The following TTLL11 variants were observed in gnomAD, a reference collection of about 807,000 sequenced individuals.
TTLL11 encodes tubulin polyglutamylase TTLL11.
A neutral mutation model predicts 51.7 loss-of-function variants in TTLL11; 42 were observed. The observed-to-expected ratio is 0.81, with a 90% CI of 0.64 to 1.05. The LOEUF (loss-of-function observed/expected upper bound fraction) is 1.05. Among genes scored for constraint, TTLL11 ranks in the 50% least tolerant of loss-of-function variants. The pLI is 0.00. For synonymous variants in TTLL11, 381 were observed against 383.5 expected (o/e 0.99, Z 0.08); for missense variants, 799 against 940.4 (o/e 0.85, Z 1.97).
chr9:122,069,706 A>T (rs1019023146), intron 1 of TTLL11, among the ~76,000 whole-genome samples: 7 of 151,998 alleles, frequency 4.6e-5, no homozygotes, highest in Non-Finnish European at 8.8e-5. Context: ...ACAACAAAAG[A>T]AGGGCCAGAA....
At chr9:122,016,976 G>A (rs1227980358) in intron 3 of TTLL11, among the ~76,000 whole-genome samples, 5 of 152,254 alleles carry the variant, frequency 3.3e-5, no homozygotes, top group South Asian at 4.1e-4. Flanking sequence ...AATCCCACTC[G>A]CTTCCGCCTG....
chr9:121,826,308 A>G (rs149946791), intron 8 of TTLL11, among the ~76,000 whole-genome samples: 4,856 of 83,074 alleles, frequency 0.058, 391 homozygotes, highest in African/African-American at 0.16. Context: ...ATATATATAT[A>G]TGGGTTTATA....
chr9:121,857,579 C>T lies in TTLL11; in HGVS notation c.1840+2758G>A, dbSNP rs563354045. Reference sequence around the variant, plus strand: ...CTCAAAACTGCTGTTACTACTATTCCACCTGGTGATGACTATTCCACCTAG... The same window carrying T: ...CTCAAAACTGCTGTTACTACTATTCTACCTGGTGATGACTATTCCACCTAG... On this transcript the variant is annotated intron_variant, in intron 8 of 8. Coordinates refer to ENST00000321582, the MANE Select transcript of TTLL11 (RefSeq NM_001139442.2). Among the ~76,000 whole-genome samples, 24 of 152,298 alleles carry T rather than the reference C, an allele frequency of 1.6e-4. No individual in the cohort carries two copies. The South Asian group carries it at 4.8e-3, about 30-fold the overall frequency.
At chr9:121,922,353 A>G (rs1840575592) in intron 6 of TTLL11, among the ~76,000 whole-genome samples, 1 of 152,132 alleles carries the variant, frequency 6.6e-6, no homozygotes, top group African/African-American at 2.4e-5. Context: ...CCAAGTCATC[A>G]CCTCAGGTGT....
At chr9:122,022,166 G>T (rs981387572) in intron 3 of TTLL11, among the ~76,000 whole-genome samples, 1 of 151,920 alleles carries the variant, frequency 6.6e-6, no homozygotes, top group Non-Finnish European at 1.5e-5. Flanking sequence ...TAATATGTAC[G>T]TAATTAGAGT....
At chr9:121,930,603 C>A (rs963595746) in intron 6 of TTLL11, among the ~76,000 whole-genome samples, 1 of 152,200 alleles carries the variant, frequency 6.6e-6, no homozygotes, top group Admixed American at 6.5e-5. Context: ...ATGGCTCACC[C>A]GGGGCCAGCC....
chr9:121,954,303 G>A (rs534300511), intron 6 of TTLL11, among the ~76,000 whole-genome samples: 5 of 152,314 alleles, frequency 3.3e-5, no homozygotes, highest in East Asian at 1.9e-4. Context: ...TGGTGGAAGG[G>A]TGCTAAGATT....
chr9:122,053,633 G>A (rs1476229849), intron 1 of TTLL11, among the ~76,000 whole-genome samples: 2 of 152,192 alleles, frequency 1.3e-5, no homozygotes, highest in Non-Finnish European at 2.9e-5. Context: ...TAGGCTGGGA[G>A]AAAGGGGAGG....
At chr9:121,991,010 G>C (rs1426903101) in intron 3 of TTLL11, among the ~76,000 whole-genome samples, 3 of 152,136 alleles carry the variant, frequency 2.0e-5, no homozygotes, top group Admixed American at 6.5e-5. Flanking sequence ...AGAGAAGCTG[G>C]AGGAAATGTA....
chr9:121,826,273 C>CAT (rs1164763645), intron 8 of TTLL11, among the ~76,000 whole-genome samples: 3 of 103,630 alleles, frequency 2.9e-5, no homozygotes, highest in African/African-American at 8.3e-5. Context: ...GGGTAAAACC[C>CAT]ATATATATAT....
chr9:121,877,644 A>G (rs1230629469), intron 6 of TTLL11, among the ~76,000 whole-genome samples: 1 of 152,190 alleles, frequency 6.6e-6, no homozygotes, highest in African/African-American at 2.4e-5. Context: ...TCAAAACGCA[A>G]CAAAACACAA....
chr9:121,987,334 T>A (rs1039596214), intron 4 of TTLL11, among the ~76,000 whole-genome samples: 1 of 152,166 alleles, frequency 6.6e-6, no homozygotes, highest in Admixed American at 6.5e-5. Flanking sequence ...AAAATGACTT[T>A]AAGGATTAGA....
intron 1 of TTLL11, among the ~76,000 whole-genome samples, chr9:122,075,214 T>C (rs1337845681): frequency 6.6e-6 from 1 of 152,230 alleles, no homozygotes; most frequent in Non-Finnish European, 1.5e-5. Context: ...TAATATTCTT[T>C]CCTTGAGGAA....
intron 6 of TTLL11, among the ~76,000 whole-genome samples, chr9:121,957,501 A>G (rs1842057460): frequency 1.3e-5 from 2 of 152,058 alleles, no homozygotes; most frequent in Non-Finnish European, 2.9e-5. Context: ...AGCACCACCA[A>G]TTACTGAGTT....
chr9:121,966,200 T>C (rs928150891), intron 6 of TTLL11, among the ~76,000 whole-genome samples: 2 of 152,196 alleles, frequency 1.3e-5, no homozygotes, highest in African/African-American at 2.4e-5. Flanking sequence ...GAGAGGATTG[T>C]GAAATGTTAC....
At chr9:122,002,775 G>A (rs542239793) in intron 3 of TTLL11, among the ~76,000 whole-genome samples, 13 of 151,882 alleles carry the variant, frequency 8.6e-5, no homozygotes, top group Admixed American at 3.9e-4. Context: ...TGAAACCCCC[G>A]TCTCTACTAA....
chr9:122,066,191 T>G (rs1588252383), intron 1 of TTLL11, among the ~76,000 whole-genome samples: 1 of 108,078 alleles, frequency 9.3e-6, no homozygotes. Flanking sequence ...GAGCAGAGTG[T>G]TGTTGTTGTT....
At chr9:122,011,625 G>A (rs1843793234) in intron 3 of TTLL11, among the ~76,000 whole-genome samples, 1 of 152,098 alleles carries the variant, frequency 6.6e-6, no homozygotes, top group African/African-American at 2.4e-5. Flanking sequence ...AATACACACA[G>A]AAGTGGTTAG....
chr9:121,906,377 C>G (rs1446246621), intron 6 of TTLL11, among the ~76,000 whole-genome samples: 1 of 152,026 alleles, frequency 6.6e-6, no homozygotes, highest in African/African-American at 2.4e-5. Flanking sequence ...TCCATGAACC[C>G]TCCCCTGATC....
Sources: gnomAD v4.1 joint callset for allele counts (sites outside exome capture counted in the v4.1 genomes callset) on GRCh38, gnomAD v4.1.1 for gene constraint, MANE v1.5 for transcripts, NCBI Gene and HGNC (gene_info 2026-07-23, HGNC 2026-07-21) for gene names.